Variants in NRIP1 observed in about 807,000 individuals in gnomAD.
NRIP1 encodes the protein nuclear receptor interacting protein 1.
NRIP1 carries 28 observed loss-of-function variants against 75.0 expected under a neutral mutation model. That is an observed-to-expected ratio of 0.37 (90% confidence interval 0.28 to 0.51). NRIP1 has a LOEUF of 0.51. Among genes scored for constraint, NRIP1 ranks in the 20% least tolerant of loss-of-function variants. The pLI is 0.92. For synonymous variants in NRIP1, 526 were observed against 487.6 expected (o/e 1.08, Z -1.04); for missense variants, 1,435 against 1,343.7 (o/e 1.07, Z -1.06).
intron 2 of NRIP1, among the ~76,000 whole-genome samples, chr21:15,019,763 C>T (rs1189775973): frequency 6.6e-6 from 1 of 152,034 alleles, no homozygotes; most frequent in Admixed American, 6.6e-5. Context: ...GCTGGGATGA[C>T]AGGCATAAGC....
At position 15,018,019 on chromosome 21, in the gene NRIP1, TTAA is replaced by T. The variant is rs1221501829; in HGVS notation, c.-457-3556_-457-3554del. Among the ~76,000 whole-genome samples, 4 of 152,288 alleles carry T rather than the reference TTAA, an allele frequency of 2.6e-5. No individual in the cohort carries two copies. In the East Asian group the frequency reaches 5.8e-4, roughly 22 times the overall value. ...CATTAATACTTAAAGTTTTCCTATA[TTAA>T]TAAGTGAGTAAATTAGCCTTCAGTT... On this transcript the variant is annotated intron_variant, in intron 2 of 3. Coordinates refer to ENST00000318948, the MANE Select transcript of NRIP1 (RefSeq NM_003489.4).
chr21:15,023,079 G>C (rs1162242254), intron 2 of NRIP1, among the ~76,000 whole-genome samples: 2 of 152,188 alleles, frequency 1.3e-5, no homozygotes, highest in African/African-American at 4.8e-5. Context: ...GATGGAAATG[G>C]AGAGTGACAG....
At chr21:15,020,052 T>C (rs2088334590) in intron 2 of NRIP1, among the ~76,000 whole-genome samples, 2 of 151,902 alleles carry the variant, frequency 1.3e-5, no homozygotes. Context: ...AAGACGTCAA[T>C]TCTCCCTACA....
At chr21:15,054,615 C>G in intron 1 of NRIP1, among the ~76,000 whole-genome samples, 1 of 152,048 alleles carries the variant, frequency 6.6e-6, no homozygotes, top group East Asian at 1.9e-4. Context: ...AAAGAAAAAA[C>G]GTGGAAGAGC....
At chr21:14,982,905 T>A (rs1447512293) in intron 3 of NRIP1, among the ~76,000 whole-genome samples, 1 of 152,094 alleles carries the variant, frequency 6.6e-6, no homozygotes, top group Non-Finnish European at 1.5e-5. Context: ...GTGTTACTAT[T>A]ATAATTGTTT....
Position 14,965,434 on chromosome 21 carries a change from T to C in NRIP1, c.2759A>G (p.Glu920Gly). 2 of 1,613,972 alleles carry C rather than the reference T, an allele frequency of 1.2e-6. No homozygotes were observed. The highest frequency in any genetic ancestry group is 1.7e-6 in the Non-Finnish European group (2 of 1,179,910). The change falls in exon 4 of 4, where the codon GAA becomes GGA. Residue 920 changes from glutamate (E) to glycine (G), a missense_variant. Transcript: ENST00000318948. ...TCTGGCCCAACTCCTGTGTTCACTT[T>C]CGCTGGCTGAGCCATGACCAGCAGG... ...KYPAGHGSAS[E>G]SEHRSWARES...
chr21:14,977,587 T>G (rs1468341227), intron 3 of NRIP1, among the ~76,000 whole-genome samples: 1 of 117,044 alleles, frequency 8.5e-6, no homozygotes, highest in Admixed American at 8.4e-5. Flanking sequence ...AAAAAGTCAC[T>G]GGAAAAAACA....
In NRIP1 at chr21:14,967,346, G is replaced by T. The variant is rs1463913774; in HGVS notation, c.847C>A (p.His283Asn). ...TTTGCATTTTGCGTTTTTAAAGCGT[G>T]TTCTCGAGAATACTGCTGCAAATGG... ...EAHLQQYSRE[H>N]ALKTQNANQA... Residue 283 changes from histidine (H) to asparagine (N), a missense_variant, in exon 4 of 4, where the codon CAC becomes AAC. Physicochemically the swap from His to Asn is moderately conservative, Grantham distance 68. Transcript: ENST00000318948. 6 of 1,613,994 alleles carry T rather than the reference G, an allele frequency of 3.7e-6. No individual in the cohort carries two copies. Among genetic ancestry groups the T allele is most frequent in the Non-Finnish European group, 5.1e-6 (6 of 1,180,018 alleles).
intron 2 of NRIP1, among the ~76,000 whole-genome samples, chr21:15,020,197 C>G (rs1037026762): frequency 6.6e-6 from 1 of 152,106 alleles, no homozygotes; most frequent in Admixed American, 6.5e-5. Context: ...TATCTAATCT[C>G]AAAACATACT....
intron 3 of NRIP1, among the ~76,000 whole-genome samples, chr21:14,989,341 C>T (rs377407610): frequency 6.6e-6 from 1 of 152,138 alleles, no homozygotes; most frequent in East Asian, 1.9e-4. Context: ...AGGGGCGGAA[C>T]CAACAACAGA....
chr21:14,964,446 G>A lies in NRIP1; in HGVS notation c.*270C>T, dbSNP rs2086667290. On this transcript the variant is annotated 3_prime_UTR_variant, in exon 4 of 4. Transcript: ENST00000318948. Reference sequence around the variant, plus strand: ...TAATTTATGCCTAATATTTATAAAAGAATTTCATTCATAGGCTACTCACAG... The same window carrying A: ...TAATTTATGCCTAATATTTATAAAAAAATTTCATTCATAGGCTACTCACAG... 1 of 283,482 alleles carries A rather than the reference G, an allele frequency of 3.5e-6. No homozygotes were observed. Among genetic ancestry groups the A allele is most frequent in the Non-Finnish European group, 6.5e-6 (1 of 153,494 alleles). 17.6% of individuals were successfully genotyped at this position (283,482 alleles called of 1,614,324 possible).
intron 2 of NRIP1, among the ~76,000 whole-genome samples, chr21:15,020,400 ATAAT>A (rs1450620721): frequency 4.6e-5 from 7 of 152,238 alleles, no homozygotes; most frequent in Non-Finnish European, 7.3e-5. Context: ...GTGAAAATAA[ATAAT>A]TAAGTGTAAA....
chr21:15,028,108 A>G (rs183053746), intron 2 of NRIP1, among the ~76,000 whole-genome samples: 35 of 152,330 alleles, frequency 2.3e-4, no homozygotes, highest in African/African-American at 7.5e-4. Flanking sequence ...CTTCTTGAGT[A>G]TCTAGCATGT....
At chr21:14,997,755 T>C (rs1171679130) in intron 3 of NRIP1, among the ~76,000 whole-genome samples, 1 of 149,838 alleles carries the variant, frequency 6.7e-6, no homozygotes, top group African/African-American at 2.4e-5. Context: ...ATACAATTTA[T>C]ATATAATTTG....
chr21:15,041,087 G>C (rs1260708846), intron 2 of NRIP1, among the ~76,000 whole-genome samples: 1 of 151,966 alleles, frequency 6.6e-6, no homozygotes, highest in Non-Finnish European at 1.5e-5. Flanking sequence ...ACACAAACTC[G>C]AAAGAAAACT....
Position 14,984,932 on chromosome 21 carries a change from T to C in NRIP1, c.-334-16406A>G, listed in dbSNP as rs1419893770. Among the ~76,000 whole-genome samples the C allele has an allele frequency of 3.3e-5, 5 of 152,340 alleles. No individual in the cohort carries two copies. The South Asian group carries it at 8.3e-4, about 25-fold the overall frequency. The stretch of plus-strand genomic sequence containing the variant: ...AAGGTATGCACATTATTTTTAGACA[T>C]AATGCTATGGCACACTTAACAGACT... On this transcript the variant is annotated intron_variant, in intron 3 of 3. Coordinates refer to ENST00000318948, the MANE Select transcript of NRIP1 (RefSeq NM_003489.4).
intron 3 of NRIP1, among the ~76,000 whole-genome samples, chr21:14,990,858 T>C (rs1235666323): frequency 3.9e-5 from 6 of 152,166 alleles, no homozygotes; most frequent in Non-Finnish European, 5.9e-5. Context: ...TAAATGGACA[T>C]AGCATCTAAT....
intron 2 of NRIP1, among the ~76,000 whole-genome samples, chr21:15,019,167 A>G (rs2088307087): frequency 6.7e-6 from 1 of 148,384 alleles, no homozygotes; most frequent in Non-Finnish European, 1.5e-5. Flanking sequence ...TACTATATTA[A>G]TTGTTTCAGT....
chr21:15,025,667 A>T lies in NRIP1; in HGVS notation c.-457-11201T>A, dbSNP rs370318733. ...TAATCCCAGTGAAAAGTCAACAGTA[A>T]TGGGTCAAAATGAAATTGTATGCCA... On this transcript the variant is annotated intron_variant, in intron 2 of 3. Coordinates refer to ENST00000318948, the MANE Select transcript of NRIP1 (RefSeq NM_003489.4). Among the ~76,000 whole-genome samples the T allele has an allele frequency of 3.9e-5, 6 of 152,314 alleles. No homozygotes were observed. The East Asian group carries it at 1.2e-3, about 29-fold the overall frequency.
Sources: gnomAD v4.1 joint callset for allele counts (sites outside exome capture counted in the v4.1 genomes callset) on GRCh38, gnomAD v4.1.1 for gene constraint, MANE v1.5 for transcripts, NCBI Gene and HGNC (gene_info 2026-07-23, HGNC 2026-07-21) for gene names.